Variants in THSD7A observed in about 807,000 individuals in gnomAD.
The protein encoded by THSD7A is thrombospondin type-1 domain-containing protein 7A.
THSD7A carries 96 observed loss-of-function variants against 231.3 expected under a neutral mutation model. That is an observed-to-expected ratio of 0.41 (90% CI 0.35 to 0.49). The LOEUF (loss-of-function observed/expected upper bound fraction) is 0.49. THSD7A is among the 20% of genes least tolerant of loss of function. THSD7A has a pLI of 0.05. For synonymous variants in THSD7A, 940 were observed against 743.3 expected (o/e 1.26, Z -4.30); for missense variants, 2,290 against 2,070.2 (o/e 1.11, Z -2.06).
chr7:11,817,932 T>C (rs1161222946), intron 1 of THSD7A, among the ~76,000 whole-genome samples: 1 of 152,166 alleles, frequency 6.6e-6, no homozygotes, highest in African/African-American at 2.4e-5. Context: ...TTTAACTAGT[T>C]ATTGATTAGG....
In THSD7A at chr7:11,815,423, C is replaced by T. The variant is rs144909052; in HGVS notation, c.190+16334G>A. Among the ~76,000 whole-genome samples, 1,411 of 152,044 alleles carry T rather than the reference C, an allele frequency of 9.3e-3. 25 individuals carry two copies. Among genetic ancestry groups the T allele is most frequent in the African/African-American group, 0.032 (1,323 of 41,448 alleles). ...CTCCCCTCATTTGTATTCCCTTTCACGGAACTCATCAGGGATGAGTTCTAT... is the reference window on the plus strand; with the variant it reads ...CTCCCCTCATTTGTATTCCCTTTCATGGAACTCATCAGGGATGAGTTCTAT... On this transcript the variant is annotated intron_variant, in intron 1 of 27. Coordinates refer to ENST00000423059, the MANE Select transcript of THSD7A (RefSeq NM_015204.3).
intron 1 of THSD7A, among the ~76,000 whole-genome samples, chr7:11,724,855 T>G (rs1292355483): frequency 1.3e-5 from 2 of 151,890 alleles, no homozygotes; most frequent in African/African-American, 4.8e-5. Context: ...CTGTGGAGGC[T>G]GAGTGTGGTA....
At chr7:11,574,731 C>A (rs529515347) in intron 4 of THSD7A, among the ~76,000 whole-genome samples, 1 of 152,020 alleles carries the variant, frequency 6.6e-6, no homozygotes, top group Non-Finnish European at 1.5e-5. Flanking sequence ...CCACCGCGCC[C>A]GGCCAACAAA....
At chr7:11,435,358 T>C (rs145400528) in intron 13 of THSD7A, among the ~76,000 whole-genome samples, 3 of 152,114 alleles carry the variant, frequency 2.0e-5, no homozygotes, top group African/African-American at 7.2e-5. Flanking sequence ...AGACTACTTA[T>C]GATTTTATGC....
In THSD7A at chr7:11,602,916, T is replaced by C. The variant is rs537024935; in HGVS notation, c.1023-9414A>G. Among the ~76,000 whole-genome samples the C allele has an allele frequency of 2.6e-5, 4 of 151,172 alleles. No individual in the cohort carries two copies. In the South Asian group the frequency reaches 8.4e-4, roughly 32 times the overall value. ...GACTTAAACGTTAGACCTAAAACCA[T>C]AAAAACTCTAGAAGAAAACCTAGGC... On this transcript the variant is annotated intron_variant, in intron 2 of 27. Transcript: ENST00000423059.
chr7:11,627,696 G>C (rs1278885719), intron 2 of THSD7A, among the ~76,000 whole-genome samples: 2 of 152,026 alleles, frequency 1.3e-5, no homozygotes, highest in Non-Finnish European at 2.9e-5. Context: ...GATGTTCAAT[G>C]GGAATTTAAC....
chr7:11,465,928 G>T (rs1203894616), intron 9 of THSD7A, among the ~76,000 whole-genome samples: 1 of 152,032 alleles, frequency 6.6e-6, no homozygotes, highest in Non-Finnish European at 1.5e-5. Context: ...ACAAAAATTT[G>T]AAAAACACGT....
chr7:11,483,820 T>C (rs994190011), intron 6 of THSD7A, among the ~76,000 whole-genome samples: 4 of 152,192 alleles, frequency 2.6e-5, no homozygotes, highest in Non-Finnish European at 5.9e-5. Flanking sequence ...TATTTTTATT[T>C]ATCCTCTAAT....
intron 13 of THSD7A, among the ~76,000 whole-genome samples, chr7:11,436,478 T>C (rs937695200): frequency 1.3e-5 from 2 of 152,048 alleles, no homozygotes; most frequent in Non-Finnish European, 1.5e-5. Context: ...CTATTTACCC[T>C]GGACTTTTCC....
chr7:11,426,919 G>A (rs1486362083), intron 14 of THSD7A, among the ~76,000 whole-genome samples: 4 of 152,162 alleles, frequency 2.6e-5, no homozygotes, highest in African/African-American at 9.7e-5. Context: ...GAGAAAATTA[G>A]ATGGGCAGGA....
intron 1 of THSD7A, among the ~76,000 whole-genome samples, chr7:11,755,672 G>A (rs567675208): frequency 6.6e-6 from 1 of 152,246 alleles, no homozygotes; most frequent in South Asian, 2.1e-4. Flanking sequence ...CTCATGTTGA[G>A]CAGAAAGTCT....
intron 1 of THSD7A, among the ~76,000 whole-genome samples, chr7:11,761,485 T>C (rs1350954581): frequency 6.6e-6 from 1 of 152,148 alleles, no homozygotes; most frequent in Non-Finnish European, 1.5e-5. Flanking sequence ...TATATGTATG[T>C]ATATGTGTAT....
intron 6 of THSD7A, among the ~76,000 whole-genome samples, chr7:11,512,994 T>C (rs1248742380): frequency 7.3e-6 from 1 of 136,120 alleles, no homozygotes; most frequent in Non-Finnish European, 1.6e-5. Context: ...AAGAATGAAT[T>C]AACAGCATTT....
At chr7:11,741,393 T>C (rs1167947583) in intron 1 of THSD7A, among the ~76,000 whole-genome samples, 1 of 151,912 alleles carries the variant, frequency 6.6e-6, no homozygotes, top group Non-Finnish European at 1.5e-5. Context: ...TCATTATCCT[T>C]CCTGCACTCT....
At chr7:11,571,894 T>C (rs1790649853) in intron 4 of THSD7A, among the ~76,000 whole-genome samples, 1 of 152,196 alleles carries the variant, frequency 6.6e-6, no homozygotes, top group African/African-American at 2.4e-5. Flanking sequence ...TCTTTGTATT[T>C]ATTCTGCTGG....
At chr7:11,793,741 A>C (rs933918085) in intron 1 of THSD7A, among the ~76,000 whole-genome samples, 2 of 152,008 alleles carry the variant, frequency 1.3e-5, no homozygotes, top group South Asian at 4.1e-4. Context: ...TGTATGTTAA[A>C]TTTCAACTAC....
At chr7:11,648,208 T>TTCCCC (rs1210280111) in intron 1 of THSD7A, among the ~76,000 whole-genome samples, 1 of 152,082 alleles carries the variant, frequency 6.6e-6, no homozygotes, top group African/African-American at 2.4e-5. Context: ...CGTGGGAGGA[T>TTCCCC]TCCCCTCCAC....
intron 1 of THSD7A, among the ~76,000 whole-genome samples, chr7:11,680,924 CACA>C (rs1783842537): frequency 6.6e-6 from 1 of 152,110 alleles, no homozygotes; most frequent in African/African-American, 2.4e-5. Flanking sequence ...CAGCACTTTT[CACA>C]ACAACAAAGA....
At chr7:11,707,907 A>T (rs1780823653) in intron 1 of THSD7A, among the ~76,000 whole-genome samples, 5 of 150,838 alleles carry the variant, frequency 3.3e-5, no homozygotes, top group Non-Finnish European at 7.4e-5. Context: ...ACACACTGTC[A>T]AAAGTTTGAA....
Sources: gnomAD v4.1 joint callset for allele counts (sites outside exome capture counted in the v4.1 genomes callset) on GRCh38, gnomAD v4.1.1 for gene constraint, MANE v1.5 for transcripts, NCBI Gene and HGNC (gene_info 2026-07-23, HGNC 2026-07-21) for gene names.